DYNC1H1: variants seen among roughly 807,000 people sequenced by gnomAD.
The protein encoded by DYNC1H1 is dynein cytoplasmic 1 heavy chain 1.
In DYNC1H1, 51 loss-of-function variants were observed where a neutral mutation model predicts 527.1. The ratio of observed to expected loss-of-function variants is 0.10; its 90% CI spans 0.08 to 0.12. DYNC1H1 has a LOEUF of 0.12. DYNC1H1 is among the 10% of genes least tolerant of loss of function. The pLI is 1.00. For synonymous variants in DYNC1H1, 2,189 were observed against 2,278.8 expected, an observed-to-expected ratio of 0.96 and a Z score of 1.12; for missense variants, 2,771 against 5,971.8, an observed-to-expected ratio of 0.46 and a Z score of 17.66.
In DYNC1H1 at chr14:102,033,569, C is replaced by T; in HGVS notation, c.10413+85C>T. On this transcript the variant is annotated intron_variant, in intron 54 of 77. Transcript: ENST00000360184. The surrounding 1 kb of genome is among the most constrained non-coding windows in gnomAD (Gnocchi z 5.6). ...TTCAACATGCGCTGCATGCACCATG[C>T]TGGCCTCGGTGAATTCGCTCTTTAA... 1 of 1,543,576 alleles carries T rather than the reference C, an allele frequency of 6.5e-7. No homozygotes were observed. The highest frequency in any genetic ancestry group is 8.8e-7 in the Non-Finnish European group (1 of 1,133,440).
chr14:101,988,003 A>G (rs1372212439), intron 9 of DYNC1H1, among the ~76,000 whole-genome samples: 2 of 152,280 alleles, frequency 1.3e-5, no homozygotes, highest in East Asian at 1.9e-4. Context: ...ACTTGAGCCC[A>G]GGAGGCGGAG....
At position 102,039,466 on chromosome 14, in the gene DYNC1H1, G is replaced by A. The variant is rs1216705331; in HGVS notation, c.11515G>A (p.Val3839Ile). ...GTTTTTCCTGGACATTTATCACAAC[G>A]TCCTATACGAGAACCCGAACCTGAA... The part of the protein sequence containing the change: ...LQFFLDIYHN[V>I]LYENPNLKGV... Residue 3839 changes from valine (V) to isoleucine (I), a missense_variant, in exon 61 of 78, where the codon GTC (valine) becomes ATC (isoleucine). Val to Ile is a conservative substitution (Grantham distance 29). Coordinates refer to ENST00000360184, the MANE Select transcript of DYNC1H1 (RefSeq NM_001376.5). The surrounding 1 kb of genome is among the most constrained non-coding windows in gnomAD (Gnocchi z 7.0). 6 of 1,614,144 alleles carry A rather than the reference G, an allele frequency of 3.7e-6. No homozygotes were observed. The highest frequency in any genetic ancestry group is 1.1e-5 in the South Asian group (1 of 91,078).
chr14:102,032,410 T>C lies in DYNC1H1; in HGVS notation c.10022T>C (p.Ile3341Thr), dbSNP rs1379488925. The C allele has an allele frequency of 6.2e-7, 1 of 1,614,082 alleles. No individual in the cohort carries two copies. Among genetic ancestry groups the C allele is most frequent in the Non-Finnish European group, 8.5e-7 (1 of 1,180,054 alleles). Residue 3341 changes from isoleucine to threonine, a missense_variant, in exon 52 of 78, where the codon ATC (isoleucine) becomes ACC (threonine). By Grantham distance (89) the Ile-to-Thr change is moderately conservative. Around this residue, in one of 32 missense-constraint regions of DYNC1H1, gnomAD observed 283 missense variants for 737.6 expected, o/e 0.38. Transcript: ENST00000360184. ...ACAGACTGGAAGCAGATCCGCTCCA[T>C]CATCATGCGGGAGAACTTCATCCCC... ...STTDWKQIRS[I>T]IMRENFIPTI... is the part of the protein sequence containing the mutation.
chr14:101,966,273 G>A (rs933126939), intron 1 of DYNC1H1, among the ~76,000 whole-genome samples: 1 of 152,088 alleles, frequency 6.6e-6, no homozygotes, highest in African/African-American at 2.4e-5. Context: ...GGGTGTAAAA[G>A]AATATTTTTT....
Position 102,001,470 on chromosome 14 carries a change from G to C in DYNC1H1, c.4396-65G>C. 1 of 1,613,508 alleles carries C rather than the reference G, an allele frequency of 6.2e-7. No homozygotes were observed. The highest frequency in any genetic ancestry group is 8.5e-7 in the Non-Finnish European group (1 of 1,179,596). On this transcript the variant is annotated intron_variant, in intron 20 of 77. Transcript: ENST00000360184. This position sits in a 1 kb window ranked among gnomAD's most constrained non-coding sequence, Gnocchi z 5.0. ...GGTCCTTTTGGTTCTTATAATGCTG[G>C]GTCCCTTGTGCAGGTAGTGAATGCC...
chr14:102,024,656 A>T (rs2048426724), intron 43 of DYNC1H1, among the ~76,000 whole-genome samples: 2 of 149,664 alleles, frequency 1.3e-5, no homozygotes, highest in East Asian at 3.9e-4. Flanking sequence ...CATTTACAGG[A>T]AACTTCTCCC....
chr14:102,048,092 C>CCA, intron 73 of DYNC1H1, 64 bp downstream of exon 73: 1 of 1,526,190 alleles, frequency 6.6e-7, no homozygotes, highest in Non-Finnish European at 8.8e-7. Context: ...TGGTCATGGA[C>CCA]CATTGTTCCA....
Position 102,018,690 on chromosome 14 carries a change from G to A in DYNC1H1, c.8343+74G>A. Reference sequence around the variant, plus strand: ...TAAGGCACTCGATTGGTCAGGTGTGGTGGTTCACACCTGTAATCCCAGCAT... The same window carrying A: ...TAAGGCACTCGATTGGTCAGGTGTGATGGTTCACACCTGTAATCCCAGCAT... On this transcript the variant is annotated intron_variant, in intron 41 of 77. Transcript: ENST00000360184. This position sits in a 1 kb window ranked among gnomAD's most constrained non-coding sequence, Gnocchi z 5.2. 6.4e-7 allele frequency: 1 copy of A among 1,562,508 alleles called. No individual in the cohort carries two copies. The highest frequency in any genetic ancestry group is 1.4e-5 in the African/African-American group (1 of 73,898).
chr14:102,023,300 C>G (rs2048408870), intron 43 of DYNC1H1: 1 of 339,222 alleles, frequency 2.9e-6, no homozygotes, highest in Non-Finnish European at 5.7e-6. Context: ...CCTGTAATCC[C>G]AGCACTTTGG....
chr14:102,048,815 T>TGG, intron 74 of DYNC1H1, 146 bp downstream of exon 74: 3 of 59,328 alleles, frequency 5.1e-5, no homozygotes, highest in South Asian at 1.3e-4. Flanking sequence ...ACCCTCAAGG[T>TGG]GGGCGGGGGG....
rs1033523166 is a variant in DYNC1H1, at chr14:102,028,405, C to G, written c.9468+264C>G. 7 of 409,034 alleles carry G rather than the reference C, an allele frequency of 1.7e-5. No homozygotes were observed. The Admixed American group carries it at 2.1e-4, about 12-fold the overall frequency. The allele number at this position is 409,034 out of a possible 1,614,324, so 25.3% of individuals were successfully genotyped here. On this transcript the variant is annotated intron_variant, in intron 48 of 77. Transcript: ENST00000360184. Reference sequence around the variant, plus strand: ...TGGTGGGCACCTATAGTCCCAGCTACTCAGGAAGCTGAGGTGGGAGGATCA... The same window carrying G: ...TGGTGGGCACCTATAGTCCCAGCTAGTCAGGAAGCTGAGGTGGGAGGATCA...
Position 102,049,359 on chromosome 14 carries a change from C to CA in DYNC1H1, c.13373-81_13373-80insA. On this transcript the variant is annotated intron_variant, in intron 74 of 77. Transcript: ENST00000360184. This position sits in a 1 kb window ranked among gnomAD's most constrained non-coding sequence, Gnocchi z 5.5. ...CCGCCTGTGTGGGCAGCCAGGATGC[C>CA]TAGCACTTGCACATTTGTTCCATCT... is the stretch of plus-strand genomic sequence containing the variant. 1.2e-6 allele frequency: 2 copies of CA among 1,602,634 alleles called. No homozygotes were observed. Among genetic ancestry groups the CA allele is most frequent in the East Asian group, 4.5e-5 (2 of 44,828 alleles).
rs754977200 is a variant in DYNC1H1 at position 102,004,539 on chromosome 14, A to G, written c.4905A>G (p.Glu1635=). The change falls in exon 24 of 78, where the codon GAA becomes GAG. Residue 1635 remains glutamate (E), a synonymous_variant. Coordinates refer to ENST00000360184, the MANE Select transcript of DYNC1H1 (RefSeq NM_001376.5). ...TTAGGTTCTATTTTGTGGGTGATGAAGATTTGCTTGAAATCATTGGAAACA... is the reference window on the plus strand; with the variant it reads ...TTAGGTTCTATTTTGTGGGTGATGAGGATTTGCTTGAAATCATTGGAAACA... ...SFPRFYFVGD[E]DLLEIIGNSK... The G allele has an allele frequency of 1.2e-6, 2 of 1,613,452 alleles. No homozygotes were observed. The highest frequency in any genetic ancestry group is 3.3e-5 in the Admixed American group (2 of 59,954).
rs989801166 is a variant in DYNC1H1 at position 102,050,638 on chromosome 14, G to C, written c.*75G>C. 1 of 1,610,006 alleles carries C rather than the reference G, an allele frequency of 6.2e-7. No homozygotes were observed. Among genetic ancestry groups the C allele is most frequent in the Non-Finnish European group, 8.5e-7 (1 of 1,177,384 alleles). ...TTATTCATTTTTAAAATATTTGGAA[G>C]GTCTGAGCTTGTGAAAAGAAAGTGG... On this transcript the variant is annotated 3_prime_UTR_variant, in exon 78 of 78. Transcript: ENST00000360184.
chr14:102,038,942 T>G lies in DYNC1H1; in HGVS notation c.11207-59T>G. ...GATGTTCCACGTTTGTGGCAAACACTTCTGAGAGCATACCTTTTGAAGGAT... is the reference window on the plus strand; with the variant it reads ...GATGTTCCACGTTTGTGGCAAACACGTCTGAGAGCATACCTTTTGAAGGAT... On this transcript the variant is annotated intron_variant, in intron 59 of 77. Coordinates refer to ENST00000360184, the MANE Select transcript of DYNC1H1 (RefSeq NM_001376.5). The surrounding 1 kb of genome is among the most constrained non-coding windows in gnomAD (Gnocchi z 7.2). The G allele has an allele frequency of 6.2e-7, 1 of 1,614,020 alleles. No homozygotes were observed. Among genetic ancestry groups the G allele is most frequent in the South Asian group, 1.1e-5 (1 of 91,050 alleles).
intron 72 of DYNC1H1, chr14:102,047,543 A>G (rs1040030777): frequency 9.5e-6 from 2 of 210,198 alleles, no homozygotes; most frequent in African/African-American, 2.4e-5. Context: ...TCTCAAAAAT[A>G]TATATATACA....
At position 102,018,067 on chromosome 14, in the gene DYNC1H1, C is replaced by T. The variant is rs1324893644; in HGVS notation, c.8178-384C>T. ...CTTGCAGTGAGCTGAGATCGCACCACTGCACTCCAGCCTGGGCAACAGAGC... is the reference window on the plus strand; with the variant it reads ...CTTGCAGTGAGCTGAGATCGCACCATTGCACTCCAGCCTGGGCAACAGAGC... On this transcript the variant is annotated intron_variant, in intron 40 of 77. Transcript: ENST00000360184. The surrounding 1 kb of genome is among the most constrained non-coding windows in gnomAD (Gnocchi z 5.2). The T allele has an allele frequency of 6.3e-5, 16 of 253,116 alleles. No homozygotes were observed. The East Asian group carries it at 1.4e-3, about 23-fold the overall frequency. 15.7% of individuals were successfully genotyped at this position (253,116 alleles called of 1,614,324 possible). A position where few individuals can be genotyped will look rare whatever the true frequency, so the allele number is the denominator to read the frequency against.
In DYNC1H1 at chr14:101,964,931, G is replaced by A. The variant is rs2047647208; in HGVS notation, c.240G>A (p.Glu80=). Residue 80 remains glutamate (E), a synonymous_variant, in exon 1 of 78, where the codon GAG becomes GAA. Coordinates refer to ENST00000360184, the MANE Select transcript of DYNC1H1 (RefSeq NM_001376.5). This position sits in a 1 kb window ranked among gnomAD's most constrained non-coding sequence, Gnocchi z 5.5. ...SDPQVHTVLV[E]RSTLKEDVGD... ...CGCAGGTCCACACGGTGCTGGTGGAGCGCTCCACGCTCAAAGGTGCGGGGC... is the reference window on the plus strand; with the variant it reads ...CGCAGGTCCACACGGTGCTGGTGGAACGCTCCACGCTCAAAGGTGCGGGGC... 1 of 1,598,812 alleles carries A rather than the reference G, an allele frequency of 6.3e-7. No individual in the cohort carries two copies. Among genetic ancestry groups the A allele is most frequent in the South Asian group, 1.1e-5 (1 of 89,128 alleles).
In DYNC1H1 at chr14:101,994,204, G is replaced by A. The variant is rs200641486; in HGVS notation, c.3036G>A (p.Leu1012=). 9 of 1,614,190 alleles carry A rather than the reference G, an allele frequency of 5.6e-6. No homozygotes were observed. The African/African-American group carries it at 1.1e-4, about 19-fold the overall frequency. Residue 1012 remains leucine (L), a synonymous_variant, in exon 12 of 78, where the codon TTG becomes TTA. Transcript: ENST00000360184. ...QRYQVGVHYE[L]TEEEKFYRNA... is the part of the protein sequence containing the mutation. ...GCTAGGTGGGTGTACATTACGAATT[G>A]ACTGAGGAAGAGAAATTCTATCGGA...
Sources: gnomAD v4.1 joint callset for allele counts (sites outside exome capture counted in the v4.1 genomes callset) on GRCh38, gnomAD v4.1.1 for gene constraint, gnomAD v4.1.1 regional missense constraint, Gnocchi (gnomAD v3.1) non-coding constraint, MANE v1.5 for transcripts, NCBI Gene and HGNC (gene_info 2026-07-23, HGNC 2026-07-21) for gene names.